ARF4: variants seen among roughly 807,000 people sequenced by gnomAD.
ARF4 encodes ARF GTPase 4.
A neutral mutation model predicts 24.3 loss-of-function variants in ARF4; 5 were observed. The ratio of observed to expected loss-of-function variants is 0.21; its 90% confidence interval spans 0.11 to 0.43. The LOEUF is 0.43. ARF4 is among the 20% of genes least tolerant of loss of function. The probability of loss-of-function intolerance (pLI) is 1.00; values close to 1 mark genes in which losing one functional copy is unlikely to be tolerated. For missense variants in ARF4, 107 were observed against 213.0 expected (o/e 0.50, Z 3.10); for synonymous variants, 62 against 73.5 (o/e 0.84, Z 0.80).
At chr3:57,578,390 TA>T (rs369758203) in intron 3 of ARF4, among the ~76,000 whole-genome samples, 60 of 142,204 alleles carry the variant, frequency 4.2e-4, no homozygotes, top group East Asian at 6.0e-4. Context: ...CCCTATCTCT[TA>T]AAAAAAAAAA....
Position 57,575,608 on chromosome 3 carries a change from A to G in ARF4, c.396T>C (p.Asn132=). The change falls in exon 5 of 6, where the codon AAT becomes AAC. Residue 132 remains asparagine (N), a synonymous_variant. Transcript: ENST00000303436. ...CTGTCATTTCACTGATGGCCATAGC[A>G]TTTGGCAAATCCTGTTTGTTTGCAA... ...LLFANKQDLP[N]AMAISEMTDK... 6.2e-7 allele frequency: 1 copy of G among 1,613,710 alleles called. No homozygotes were observed. Among genetic ancestry groups the G allele is most frequent in the South Asian group, 1.1e-5 (1 of 91,020 alleles).
intron 3 of ARF4, among the ~76,000 whole-genome samples, chr3:57,578,280 C>T (rs2069929764): frequency 1.3e-5 from 2 of 151,530 alleles, no homozygotes; most frequent in South Asian, 4.2e-4. Flanking sequence ...CAAGACTGGG[C>T]GCAGTGGCTC....
chr3:57,587,425 G>A (rs1012056210), intron 1 of ARF4, among the ~76,000 whole-genome samples: 1 of 149,420 alleles, frequency 6.7e-6, no homozygotes. Context: ...TTATACAAAA[G>A]CATGTAGGTA....
At chr3:57,584,039 A>T (rs1197524228) in intron 2 of ARF4, 32 bp from the exon 3 acceptor site, 1 of 1,374,046 alleles carries the variant, frequency 7.3e-7, no homozygotes, top group South Asian at 1.2e-5. Flanking sequence ...ACCGCTGTGC[A>T]GCGTCATTAA....
chr3:57,586,548 G>A (rs1382952831), intron 1 of ARF4, among the ~76,000 whole-genome samples: 1 of 152,152 alleles, frequency 6.6e-6, no homozygotes, highest in South Asian at 2.1e-4. Flanking sequence ...CCTTTGTCCT[G>A]TAAAACCCTG....
At chr3:57,575,316 A>G (rs1443391713) in intron 5 of ARF4, among the ~76,000 whole-genome samples, 1 of 151,974 alleles carries the variant, frequency 6.6e-6, no homozygotes, top group Non-Finnish European at 1.5e-5. Flanking sequence ...AAAAAAAAAA[A>G]AAAAGAAAAA....
Position 57,597,123 on chromosome 3 carries a change from G to A in ARF4, c.18C>T (p.Ser6=), listed in dbSNP as rs145911620. MGLTI[S]SLFSRLFGKK... is the part of the protein sequence containing the mutation. ...TGCCAAATAGTCGGGAGAAGAGGGA[G>A]GAGATAGTGAGGCCCATGGCGGTAG... The change falls in exon 1 of 6, where the codon TCC becomes TCT. Residue 6 remains serine (S), a synonymous_variant. Transcript: ENST00000303436. The A allele has an allele frequency of 1.3e-4, 208 of 1,614,052 alleles. No individual in the cohort carries two copies. Among genetic ancestry groups the A allele is most frequent in the Non-Finnish European group, 1.7e-4 (201 of 1,180,012 alleles).
chr3:57,576,081 C>A (rs2069899216), intron 4 of ARF4, among the ~76,000 whole-genome samples: 1 of 152,096 alleles, frequency 6.6e-6, no homozygotes, highest in African/African-American at 2.4e-5. Flanking sequence ...TCTATCCTTT[C>A]CAACAACAGT....
At chr3:57,590,016 G>A (rs533555261) in intron 1 of ARF4, among the ~76,000 whole-genome samples, 105 of 149,922 alleles carry the variant, frequency 7.0e-4, no homozygotes, top group African/African-American at 1.8e-3. Context: ...GCTTGAACCC[G>A]GGAGGTGGAG....
chr3:57,587,415 T>A lies in ARF4; in HGVS notation c.68-2951A>T, dbSNP rs142374550. Among the ~76,000 whole-genome samples the A allele has an allele frequency of 2.5e-3, 381 of 151,844 alleles. 5 individuals carry two copies. Among genetic ancestry groups the A allele is most frequent in the African/African-American group, 8.7e-3 (360 of 41,414 alleles). On this transcript the variant is annotated intron_variant, in intron 1 of 5. Coordinates refer to ENST00000303436, the MANE Select transcript of ARF4 (RefSeq NM_001660.4). ...CAAATCATGACTATATCATTTTAAATTATACAAAAGCATGTAGGTAATCCA... is the reference window on the plus strand; with the variant it reads ...CAAATCATGACTATATCATTTTAAAATATACAAAAGCATGTAGGTAATCCA...
At position 57,596,987 on chromosome 3, in the gene ARF4, G is replaced by T. The variant is rs575110869; in HGVS notation, c.67+87C>A. On this transcript the variant is annotated intron_variant, in intron 1 of 5. Coordinates refer to ENST00000303436, the MANE Select transcript of ARF4 (RefSeq NM_001660.4). ...GCGCCCCTCCCCCACCACAGCGGGCGGAGGAAAAAAACAGGCCCAGAGGCC... is the reference window on the plus strand; with the variant it reads ...GCGCCCCTCCCCCACCACAGCGGGCTGAGGAAAAAAACAGGCCCAGAGGCC... 7.1e-4 allele frequency: 1,004 copies of T among 1,419,266 alleles called. 3 individuals are homozygous for T. Among genetic ancestry groups the T allele is most frequent in the Non-Finnish European group, 8.9e-4 (921 of 1,030,574 alleles). The allele number at this position is 1,419,266 out of a possible 1,614,324, so 87.9% of individuals were successfully genotyped here. A position where few individuals can be genotyped will look rare whatever the true frequency, so the allele number is the denominator to read the frequency against.
In ARF4 at chr3:57,597,150, G is replaced by C. The variant is rs775590057; in HGVS notation, c.-10C>G. 43 of 1,613,398 alleles carry C rather than the reference G, an allele frequency of 2.7e-5. No homozygotes were observed. The highest frequency in any genetic ancestry group is 3.6e-5 in the Non-Finnish European group (42 of 1,179,474). On this transcript the variant is annotated 5_prime_UTR_variant, in exon 1 of 6. Transcript: ENST00000303436. ...AGATAGTGAGGCCCATGGCGGTAGT[G>C]GCACTTGTGATGGGCAGAAGCAGAA...
rs533838822 is a variant in ARF4, at chr3:57,596,753, G to A, written c.67+321C>T. 4 of 317,016 alleles carry A rather than the reference G, an allele frequency of 1.3e-5. 1 individual carries two copies. The highest frequency in any genetic ancestry group is 1.5e-4 in the East Asian group (2 of 13,216). 19.6% of individuals were successfully genotyped at this position (317,016 alleles called of 1,614,324 possible). A position where few individuals can be genotyped will look rare whatever the true frequency, so the allele number is the denominator to read the frequency against. ...GCACCCCCAGAAAGGGCCTCGCCAA[G>A]TGTTTGCTTCCCAGAGTTGGCTTTC... is the stretch of plus-strand genomic sequence containing the variant. On this transcript the variant is annotated intron_variant, in intron 1 of 5. Transcript: ENST00000303436.
intron 1 of ARF4, among the ~76,000 whole-genome samples, chr3:57,585,258 A>G (rs1222038829): frequency 7.2e-5 from 11 of 152,326 alleles, no homozygotes; most frequent in African/African-American, 2.2e-4. Context: ...ATTTTCTCTT[A>G]TTTACAGAGT....
At chr3:57,574,874 G>A (rs2069884336) in intron 5 of ARF4, among the ~76,000 whole-genome samples, 1 of 144,854 alleles carries the variant, frequency 6.9e-6, no homozygotes, top group Admixed American at 6.9e-5. Flanking sequence ...TTGAGACCGA[G>A]TTTCGCTCTT....
At chr3:57,586,221 C>T (rs2070034834) in intron 1 of ARF4, among the ~76,000 whole-genome samples, 1 of 152,092 alleles carries the variant, frequency 6.6e-6, no homozygotes, top group South Asian at 2.1e-4. Flanking sequence ...TATCTGGCCG[C>T]CTGGGTTTAT....
At chr3:57,587,147 C>T (rs1213914248) in intron 1 of ARF4, among the ~76,000 whole-genome samples, 2 of 151,658 alleles carry the variant, frequency 1.3e-5, no homozygotes, top group East Asian at 1.9e-4. Flanking sequence ...GGTAAAATCC[C>T]GTCTCTACTA....
Position 57,597,155 on chromosome 3 carries a change from T to G in ARF4, c.-15A>C. ...GTGAGGCCCATGGCGGTAGTGGCACTTGTGATGGGCAGAAGCAGAAGGGGT... is the reference window on the plus strand; with the variant it reads ...GTGAGGCCCATGGCGGTAGTGGCACGTGTGATGGGCAGAAGCAGAAGGGGT... On this transcript the variant is annotated 5_prime_UTR_variant, in exon 1 of 6. Coordinates refer to ENST00000303436, the MANE Select transcript of ARF4 (RefSeq NM_001660.4). The G allele has an allele frequency of 6.2e-7, 1 of 1,611,906 alleles. No homozygotes were observed. The highest frequency in any genetic ancestry group is 8.5e-7 in the Non-Finnish European group (1 of 1,178,040).
intron 5 of ARF4, among the ~76,000 whole-genome samples, chr3:57,573,593 T>C (rs948751075): frequency 6.6e-6 from 1 of 152,190 alleles, no homozygotes; most frequent in Non-Finnish European, 1.5e-5. Flanking sequence ...GATCGACTGA[T>C]TGTTTTGAGG....
Sources: gnomAD v4.1 joint callset for allele counts (sites outside exome capture counted in the v4.1 genomes callset) on GRCh38, gnomAD v4.1.1 for gene constraint, MANE v1.5 for transcripts, NCBI Gene and HGNC (gene_info 2026-07-23, HGNC 2026-07-21) for gene names.